ADAM23: variants seen among roughly 807,000 people sequenced by gnomAD.
The protein encoded by ADAM23 is ADAM metallopeptidase domain 23.
A neutral mutation model predicts 120.1 loss-of-function variants in ADAM23; 33 were observed. The observed-to-expected ratio is 0.27, with a 90% CI of 0.21 to 0.37. ADAM23 has a LOEUF of 0.37. Among genes scored for constraint, ADAM23 ranks in the 10% least tolerant of loss-of-function variants. ADAM23 has a pLI of 1.00. For missense variants in ADAM23, 862 were observed against 1,058.2 expected, an observed-to-expected ratio of 0.81 and a Z score of 2.57; for synonymous variants, 367 against 375.2, an observed-to-expected ratio of 0.98 and a Z score of 0.25.
At chr2:206,477,923 A>ATATATATAT (rs1261680065) in intron 2 of ADAM23, among the ~76,000 whole-genome samples, 13 of 90,740 alleles carry the variant, frequency 1.4e-4, no homozygotes, top group African/African-American at 5.7e-4. Flanking sequence ...TATATATATA[A>ATATATATAT]AACAACAATG....
At chr2:206,541,214 A>G (rs1237418319) in intron 4 of ADAM23, among the ~76,000 whole-genome samples, 1 of 151,760 alleles carries the variant, frequency 6.6e-6, no homozygotes, top group African/African-American at 2.4e-5. Flanking sequence ...AGTACAACAA[A>G]GGAGCAAAAA....
intron 18 of ADAM23, among the ~76,000 whole-genome samples, chr2:206,574,761 TG>T (rs1157008033): frequency 6.6e-6 from 1 of 152,226 alleles, no homozygotes; most frequent in African/African-American, 2.4e-5. Context: ...TGGTTTGGCA[TG>T]ATCTTCTTCC....
At chr2:206,594,579 A>G (rs1180378090) in intron 22 of ADAM23, among the ~76,000 whole-genome samples, 158 bp from the exon 23 acceptor site, 1 of 152,148 alleles carries the variant, frequency 6.6e-6, no homozygotes, top group Non-Finnish European at 1.5e-5. Flanking sequence ...TTATTAAGGA[A>G]AGGTAGGGAA....
chr2:206,516,776 T>C (rs1696740904), intron 3 of ADAM23, among the ~76,000 whole-genome samples: 1 of 152,126 alleles, frequency 6.6e-6, no homozygotes, highest in Non-Finnish European at 1.5e-5. Flanking sequence ...GCTGTGTCAC[T>C]GAAATTAGAA....
intron 3 of ADAM23, among the ~76,000 whole-genome samples, chr2:206,508,059 T>G (rs1696531278): frequency 6.6e-6 from 1 of 152,102 alleles, no homozygotes; most frequent in Non-Finnish European, 1.5e-5. Flanking sequence ...AGACGGAGTC[T>G]CGCTCTGTTT....
intron 3 of ADAM23, among the ~76,000 whole-genome samples, chr2:206,501,784 T>C (rs1287406231): frequency 1.3e-5 from 2 of 152,080 alleles, no homozygotes; most frequent in African/African-American, 4.8e-5. Flanking sequence ...TCAATATGAT[T>C]TACAAATGAA....
chr2:206,476,378 G>C (rs1410145553), intron 2 of ADAM23, among the ~76,000 whole-genome samples: 3 of 152,094 alleles, frequency 2.0e-5, no homozygotes, highest in Non-Finnish European at 4.4e-5. Context: ...CAACTTCCAG[G>C]TCACATTGAT....
At position 206,467,916 on chromosome 2, in the gene ADAM23, A is replaced by G. The variant is rs559852040; in HGVS notation, c.433-13316A>G. Among the ~76,000 whole-genome samples the G allele has an allele frequency of 1.4e-4, 21 of 152,300 alleles. No individual in the cohort carries two copies. In the South Asian group the frequency reaches 2.9e-3, roughly 21 times the overall value. On this transcript the variant is annotated intron_variant, in intron 2 of 25. Coordinates refer to ENST00000264377, the MANE Select transcript of ADAM23 (RefSeq NM_003812.4). ...GCTTAATGCTACATGGAAGCTGCCA[A>G]GTTTCATGGCTTGCACCCTCTGAAG... is the stretch of plus-strand genomic sequence containing the variant.
chr2:206,481,946 C>G (rs900149277), intron 3 of ADAM23, among the ~76,000 whole-genome samples: 3 of 152,176 alleles, frequency 2.0e-5, no homozygotes, highest in Non-Finnish European at 2.9e-5. Flanking sequence ...TCAAATAGAT[C>G]TAGCAGTGAG....
At chr2:206,603,045 C>T (rs968871813) in intron 24 of ADAM23, among the ~76,000 whole-genome samples, 1 of 152,114 alleles carries the variant, frequency 6.6e-6, no homozygotes, top group Non-Finnish European at 1.5e-5. Context: ...AGCGTTCCAT[C>T]TCCAGGTTTG....
intron 17 of ADAM23, among the ~76,000 whole-genome samples, chr2:206,572,483 C>T (rs4025990): frequency 0.85 from 129,287 of 152,172 alleles, 55,122 homozygotes; most frequent in African/African-American, 0.91. Flanking sequence ...TTAGGGGGTA[C>T]TATGCATTAT....
rs1490428253 is a variant in ADAM23, at chr2:206,618,488, A to G, written c.*861A>G. The G allele has an allele frequency of 6.6e-6, 1 of 152,178 alleles. No individual in the cohort carries two copies. Among genetic ancestry groups the G allele is most frequent in the Non-Finnish European group, 1.5e-5 (1 of 68,040 alleles). 9.4% of individuals were successfully genotyped at this position (152,178 alleles called of 1,614,324 possible). A position where few individuals can be genotyped will look rare whatever the true frequency, so the allele number is the denominator to read the frequency against. ...ATCATTTTCACTTGTCTGTATTGAG[A>G]TATTTTCCTTGTAAAGGTTCTCTGT... On this transcript the variant is annotated 3_prime_UTR_variant, in exon 26 of 26. Coordinates refer to ENST00000264377, the MANE Select transcript of ADAM23 (RefSeq NM_003812.4).
In ADAM23 at chr2:206,588,129, C is replaced by T. The variant is rs749294505; in HGVS notation, c.1827C>T (p.Asn609=). The T allele has an allele frequency of 1.1e-5, 17 of 1,613,982 alleles. No homozygotes were observed. The highest frequency in any genetic ancestry group is 2.7e-5 in the African/African-American group (2 of 74,914). ...ATGGCGAGTGCAAGACCAGAGACAA[C>T]CAGTGTCAGTACATCTGGGGAACAA... is the stretch of plus-strand genomic sequence containing the variant. ...CYNGECKTRD[N]QCQYIWGTKA... is the part of the protein sequence containing the mutation. Residue 609 remains asparagine, a synonymous_variant, in exon 20 of 26, where the codon AAC becomes AAT. Transcript: ENST00000264377.
At chr2:206,511,526 C>T (rs1166505567) in intron 3 of ADAM23, among the ~76,000 whole-genome samples, 1 of 152,176 alleles carries the variant, frequency 6.6e-6, no homozygotes, top group Non-Finnish European at 1.5e-5. Flanking sequence ...CTTCACCAGT[C>T]TGTTGTTCTC....
chr2:206,445,292 C>G lies in ADAM23; in HGVS notation c.215-15C>G, dbSNP rs747811208. ...GTTTGTATTTTCTGCTCCCCCACCC[C>G]CCTACCTCCACCAGCTCCGCATTGG... On this transcript the variant is annotated splice_polypyrimidine_tract_variant and intron_variant, in intron 1 of 25. Transcript: ENST00000264377. 1.9e-6 allele frequency: 3 copies of G among 1,608,700 alleles called. No homozygotes were observed. Among genetic ancestry groups the G allele is most frequent in the Admixed American group, 1.7e-5 (1 of 59,948 alleles).
rs528158373 is a variant in ADAM23 at position 206,523,771 on chromosome 2, A to G, written c.510-7114A>G. ...GTTTATATGAATGTATTGAGTTTAA[A>G]TTTTGTGTCTGCATTACCACTTACA... is the stretch of plus-strand genomic sequence containing the variant. On this transcript the variant is annotated intron_variant, in intron 3 of 25. Transcript: ENST00000264377. Among the ~76,000 whole-genome samples, 7 of 152,340 alleles carry G rather than the reference A, an allele frequency of 4.6e-5. No homozygotes were observed. In the East Asian group the frequency reaches 7.7e-4, roughly 17 times the overall value.
intron 15 of ADAM23, 58 bp downstream of exon 15, chr2:206,567,380 G>T: frequency 7.2e-7 from 1 of 1,398,254 alleles, no homozygotes; most frequent in South Asian, 1.2e-5. Flanking sequence ...GTTTTACAGT[G>T]CAACAGTGCT....
Position 206,444,100 on chromosome 2 carries a change from C to T in ADAM23, c.214+20C>T, listed in dbSNP as rs1695023885. The T allele has an allele frequency of 7.8e-7, 1 of 1,290,212 alleles. No homozygotes were observed. Among genetic ancestry groups the T allele is most frequent in the Non-Finnish European group, 9.8e-7 (1 of 1,017,678 alleles). 79.9% of individuals were successfully genotyped at this position (1,290,212 alleles called of 1,614,324 possible). A position where few individuals can be genotyped will look rare whatever the true frequency, so the allele number is the denominator to read the frequency against. On this transcript the variant is annotated intron_variant, in intron 1 of 25. Coordinates refer to ENST00000264377, the MANE Select transcript of ADAM23 (RefSeq NM_003812.4). ...CCAGCGGTGGGTATGGCCCCGTGCCCTTTGCGTTGGCTTTCCCGCGGGGCC... is the reference window on the plus strand; with the variant it reads ...CCAGCGGTGGGTATGGCCCCGTGCCTTTTGCGTTGGCTTTCCCGCGGGGCC...
chr2:206,561,018 G>A, intron 11 of ADAM23, 110 bp from the exon 12 acceptor site: 1 of 787,278 alleles, frequency 1.3e-6, no homozygotes, highest in South Asian at 1.6e-5. Context: ...TTGATTTCTT[G>A]GAGGAGGATG....
Sources: allele counts gnomAD v4.1 joint callset (sites outside exome capture counted in the v4.1 genomes callset), GRCh38; gene constraint gnomAD v4.1.1; transcripts MANE v1.5; gene names NCBI Gene and HGNC (gene_info 2026-07-23, HGNC 2026-07-21).